Variants in MX1 observed in about 807,000 individuals in gnomAD.
MX1 encodes MX dynamin like GTPase 1, also known as interferon-induced GTP-binding protein Mx1.
MX1 carries 66 observed loss-of-function variants against 66.4 expected under a neutral mutation model. The ratio of observed to expected loss-of-function variants is 0.99; its 90% CI spans 0.82 to 1.22. MX1 has a LOEUF of 1.22. MX1 is among the 50% of genes most tolerant of loss of function. MX1 has a pLI of 0.00. For synonymous variants in MX1, 311 were observed against 318.1 expected, an observed-to-expected ratio of 0.98 and a Z score of 0.24; for missense variants, 787 against 834.3, an observed-to-expected ratio of 0.94 and a Z score of 0.70.
At chr21:41,434,845 T>C (rs1231285693) in intron 5 of MX1, among the ~76,000 whole-genome samples, 1 of 152,224 alleles carries the variant, frequency 6.6e-6, no homozygotes, top group Non-Finnish European at 1.5e-5. Flanking sequence ...CAAAAAAGTG[T>C]AGTAGTTACC....
Position 41,441,540 on chromosome 21 carries a change from C to T in MX1, c.731-176C>T. The T allele has an allele frequency of 4.6e-6, 3 of 651,186 alleles. No individual in the cohort carries two copies. Among genetic ancestry groups the T allele is most frequent in the Admixed American group, 2.7e-5 (1 of 37,608 alleles). The allele number at this position is 651,186 out of a possible 1,614,324, so 40.3% of individuals were successfully genotyped here. A position where few individuals can be genotyped will look rare whatever the true frequency, so the allele number is the denominator to read the frequency against. ...GCATCCCTGCCTTCACGCGGCTTGT[C>T]GTGGAGTTCTTTTCTGGAGCGGGGC... is the stretch of plus-strand genomic sequence containing the variant. On this transcript the variant is annotated intron_variant, in intron 9 of 16. Coordinates refer to ENST00000398598, the MANE Select transcript of MX1 (RefSeq NM_002462.5). This position sits in a 1 kb window ranked among gnomAD's most constrained non-coding sequence, Gnocchi z 4.0.
rs1444613766 is a variant in MX1, at chr21:41,458,548, C to A, written c.1779C>A (p.Ser593=). The A allele has an allele frequency of 9.3e-6, 15 of 1,614,230 alleles. No individual in the cohort carries two copies. The highest frequency in any genetic ancestry group is 1.3e-5 in the Non-Finnish European group (15 of 1,180,038). The change falls in exon 17 of 17, where the codon TCC becomes TCA. Residue 593 remains serine (S), a synonymous_variant. Coordinates refer to ENST00000398598, the MANE Select transcript of MX1 (RefSeq NM_002462.5). Reference sequence around the variant, plus strand: ...TCCAGGAGGCCAGCAAGCGCATCTCCAGCCACATCCCTTTGATCATCCAGT... The same window carrying A: ...TCCAGGAGGCCAGCAAGCGCATCTCAAGCCACATCCCTTTGATCATCCAGT... ...AYHQEASKRI[S]SHIPLIIQFF... is the part of the protein sequence containing the mutation.
intron 3 of MX1, chr21:41,428,458 C>T (rs1196024937): frequency 6.6e-6 from 1 of 152,262 alleles, no homozygotes; most frequent in African/African-American, 2.4e-5. Context: ...TCCAGAAGTC[C>T]CGCTCTAGTG....
In MX1 at chr21:41,432,130, A is replaced by G. The variant is rs777767414; in HGVS notation, c.60A>G (p.Leu20=). ...ATCCAGCTGCTGCATCCCACCCTCT[A>G]TTACTGAATGGAGATGCTACTGTGG... ...KADPAAASHP[L]LLNGDATVAQ... is the part of the protein sequence containing the mutation. Residue 20 remains leucine (L), a synonymous_variant, in exon 5 of 17, where the codon CTA becomes CTG. Transcript: ENST00000398598. 6.5e-5 allele frequency: 105 copies of G among 1,614,022 alleles called. 1 individual carries two copies. The Admixed American group carries it at 1.2e-3, about 18-fold the overall frequency.
Position 41,441,696 on chromosome 21 carries a change from C to T in MX1, c.731-20C>T, listed in dbSNP as rs376861213. The T allele has an allele frequency of 1.2e-6, 2 of 1,613,770 alleles. No homozygotes were observed. Among genetic ancestry groups the T allele is most frequent in the East Asian group, 2.2e-5 (1 of 44,876 alleles). On this transcript the variant is annotated intron_variant, in intron 9 of 16. Coordinates refer to ENST00000398598, the MANE Select transcript of MX1 (RefSeq NM_002462.5). This position sits in a 1 kb window ranked among gnomAD's most constrained non-coding sequence, Gnocchi z 4.0. ...CTCGTGACTGAGCACGTTCTCTCCC[C>T]AAATACATCTGGCTCGCAGGAATCT...
chr21:41,424,427 G>T (rs527424703), upstream of MX1, among the ~76,000 whole-genome samples: 19 of 152,176 alleles, frequency 1.2e-4, no homozygotes, highest in African/African-American at 3.6e-4. Context: ...TCCCCCTCTT[G>T]TAGGTGCAGC....
At chr21:41,427,596 C>A (rs1333854574) in intron 2 of MX1, among the ~76,000 whole-genome samples, 159 bp from the exon 3 acceptor site, 1 of 152,176 alleles carries the variant, frequency 6.6e-6, no homozygotes, top group Non-Finnish European at 1.5e-5. Context: ...TTTCCTAGAA[C>A]GTAGGCAGTA....
intron 16 of MX1, 84 bp downstream of exon 16, chr21:41,452,953 G>T: frequency 1.3e-6 from 2 of 1,513,236 alleles, no homozygotes; most frequent in Admixed American, 3.9e-5. Flanking sequence ...TGCTCTCTCT[G>T]TAGGTGACGT....
chr21:41,445,362 T>G, intron 11 of MX1, 86 bp from the exon 12 acceptor site: 1 of 1,509,828 alleles, frequency 6.6e-7, no homozygotes, highest in South Asian at 1.2e-5. Context: ...CCCACACAAC[T>G]CCTCTGCAGA....
At chr21:41,433,512 G>A (rs2090279723) in intron 5 of MX1, among the ~76,000 whole-genome samples, 1 of 152,180 alleles carries the variant, frequency 6.6e-6, no homozygotes, top group Non-Finnish European at 1.5e-5. Flanking sequence ...TATCAAAATG[G>A]CTGCATCAAA....
At chr21:41,437,701 C>T (rs183304312) in intron 7 of MX1, among the ~76,000 whole-genome samples, 1 of 152,262 alleles carries the variant, frequency 6.6e-6, no homozygotes, top group Non-Finnish European at 1.5e-5. Flanking sequence ...AAAATGTCCC[C>T]ACATATGGAT....
chr21:41,441,127 G>A lies in MX1; in HGVS notation c.730+102G>A. On this transcript the variant is annotated intron_variant, in intron 9 of 16. Transcript: ENST00000398598. This position sits in a 1 kb window ranked among gnomAD's most constrained non-coding sequence, Gnocchi z 4.0. ...ACCTGTGCTCGGTGAGAATGGGGGA[G>A]CCCGCCTGTGCTCGGTGAGAATGGG... 8.7e-7 allele frequency: 1 copy of A among 1,149,614 alleles called. No homozygotes were observed. The highest frequency in any genetic ancestry group is 1.5e-5 in the South Asian group (1 of 65,066). 71.2% of individuals were successfully genotyped at this position (1,149,614 alleles called of 1,614,324 possible).
chr21:41,431,224 T>C (rs1399119511), intron 4 of MX1, among the ~76,000 whole-genome samples: 3 of 152,190 alleles, frequency 2.0e-5, no homozygotes, highest in Non-Finnish European at 4.4e-5. Context: ...GGTTTCACTA[T>C]GTTGGCCAAG....
At chr21:41,423,653 C>G (rs191775344), upstream of MX1, among the ~76,000 whole-genome samples, 13 of 152,276 alleles carry the variant, frequency 8.5e-5, no homozygotes, top group African/African-American at 2.9e-4. Flanking sequence ...CGTCCCGTCT[C>G]TCACTGACAC....
chr21:41,426,185 G>A (rs759623750), upstream of MX1: 74 of 159,432 alleles, frequency 4.6e-4, no homozygotes, highest in Non-Finnish European at 7.6e-4. Context: ...ATTTCTTCGC[G>A]GCGCGGGGCG....
intron 7 of MX1, among the ~76,000 whole-genome samples, chr21:41,438,807 G>C (rs1240162528): frequency 6.6e-6 from 1 of 152,202 alleles, no homozygotes; most frequent in Non-Finnish European, 1.5e-5. Flanking sequence ...AAGGCGGGCA[G>C]ACCAGAGCTG....
chr21:41,457,040 G>A (rs13049835), intron 16 of MX1, among the ~76,000 whole-genome samples: 30,116 of 152,140 alleles, frequency 0.2, 3,514 homozygotes, highest in East Asian at 0.42. Flanking sequence ...GTTTACAGGC[G>A]TGAGCCACCA....
At position 41,458,411 on chromosome 21, in the gene MX1, C is replaced by T. The variant is rs555221272; in HGVS notation, c.1759-117C>T. 1.2e-4 allele frequency: 147 copies of T among 1,236,562 alleles called. No homozygotes were observed. In the African/African-American group the frequency reaches 2.1e-3, roughly 17 times the overall value. The allele number at this position is 1,236,562 out of a possible 1,614,324, so 76.6% of individuals were successfully genotyped here. ...TTTGAAACCCAGGGGAAGGTCATTG[C>T]CCTGCGAGGGTCTCCCTCATTGAGA... On this transcript the variant is annotated intron_variant, in intron 16 of 16. Transcript: ENST00000398598.
chr21:41,454,780 C>T (rs1281658256), intron 16 of MX1, among the ~76,000 whole-genome samples: 1 of 152,170 alleles, frequency 6.6e-6, no homozygotes, highest in Non-Finnish European at 1.5e-5. Flanking sequence ...CAGATGTCCC[C>T]ATTGCCTTAC....
Sources: allele counts gnomAD v4.1 joint callset (sites outside exome capture counted in the v4.1 genomes callset), GRCh38; gene constraint gnomAD v4.1.1; non-coding constraint Gnocchi (gnomAD v3.1); transcripts MANE v1.5; gene names NCBI Gene and HGNC (gene_info 2026-07-23, HGNC 2026-07-21).